GPC6: variants seen among roughly 807,000 people sequenced by gnomAD.
The protein encoded by GPC6 is glypican-6.
Under a neutral mutation model 55.2 loss-of-function variants are expected in GPC6, and 14 were observed. The observed-to-expected ratio is 0.25, with a 90% confidence interval of 0.17 to 0.40. GPC6 has a LOEUF of 0.40. GPC6 is among the 10% of genes least tolerant of loss of function. GPC6 has a pLI of 1.00. For synonymous variants in GPC6, 278 were observed against 259.6 expected (o/e 1.07, Z -0.68); for missense variants, 641 against 708.5 (o/e 0.90, Z 1.08).
chr13:94,191,070 A>G (rs1414127886), intron 4 of GPC6, among the ~76,000 whole-genome samples: 2 of 152,178 alleles, frequency 1.3e-5, no homozygotes, highest in Admixed American at 6.5e-5. Context: ...ATAAATTTCT[A>G]TGAGTTTTGG....
chr13:93,486,461 A>G (rs965639863), intron 1 of GPC6, among the ~76,000 whole-genome samples: 3 of 152,208 alleles, frequency 2.0e-5, no homozygotes, highest in Non-Finnish European at 4.4e-5. Context: ...TTTCTAACCA[A>G]TGAAGTCACA....
intron 2 of GPC6, among the ~76,000 whole-genome samples, chr13:93,711,387 C>G (rs1056430862): frequency 6.6e-6 from 1 of 151,740 alleles, no homozygotes; most frequent in Admixed American, 6.6e-5. Flanking sequence ...AACAGCACAG[C>G]AAGAACCCGC....
chr13:93,922,717 A>C (rs1877638344), intron 3 of GPC6, among the ~76,000 whole-genome samples: 1 of 152,226 alleles, frequency 6.6e-6, no homozygotes, highest in African/African-American at 2.4e-5. Flanking sequence ...AAAGCTGTGA[A>C]TACAGCCATG....
chr13:94,048,999 T>C (rs1004317906), intron 4 of GPC6, among the ~76,000 whole-genome samples: 1 of 152,008 alleles, frequency 6.6e-6, no homozygotes, highest in Non-Finnish European at 1.5e-5. Context: ...TCCCAGCACT[T>C]TGGGAGGCTG....
chr13:93,302,628 A>T (rs1035118489), intron 1 of GPC6, among the ~76,000 whole-genome samples: 1 of 152,204 alleles, frequency 6.6e-6, no homozygotes, highest in African/African-American at 2.4e-5. Flanking sequence ...AACATACATG[A>T]TTGAATGGAA....
At chr13:93,709,526 C>A (rs1882980387) in intron 2 of GPC6, among the ~76,000 whole-genome samples, 1 of 151,816 alleles carries the variant, frequency 6.6e-6, no homozygotes, top group Admixed American at 6.6e-5. Context: ...GGCTATTAGA[C>A]ATTTCTCTCT....
At chr13:94,006,090 G>T (rs1248500294) in intron 3 of GPC6, among the ~76,000 whole-genome samples, 1 of 152,142 alleles carries the variant, frequency 6.6e-6, no homozygotes, top group Non-Finnish European at 1.5e-5. Flanking sequence ...AAATGTCAGT[G>T]TTTTAACATT....
At chr13:94,276,665 C>A (rs1438460292) in intron 4 of GPC6, among the ~76,000 whole-genome samples, 1 of 152,058 alleles carries the variant, frequency 6.6e-6, no homozygotes, top group African/African-American at 2.4e-5. Context: ...GTTCAACTCC[C>A]ACCTATGAGT....
intron 4 of GPC6, among the ~76,000 whole-genome samples, chr13:94,239,787 A>G (rs780892976): frequency 5.9e-5 from 9 of 152,170 alleles, no homozygotes; most frequent in Non-Finnish European, 8.8e-5. Context: ...AGAAACAAAA[A>G]GCTAAACATT....
At chr13:93,511,685 C>A (rs1047479106) in intron 1 of GPC6, among the ~76,000 whole-genome samples, 5 of 151,674 alleles carry the variant, frequency 3.3e-5, no homozygotes, top group East Asian at 1.9e-4. Context: ...ATTTTAGGAT[C>A]GTTTTTTCTA....
chr13:94,270,901 A>G (rs1891974760), intron 4 of GPC6, among the ~76,000 whole-genome samples: 2 of 148,254 alleles, frequency 1.3e-5, no homozygotes, highest in Non-Finnish European at 3.0e-5. Context: ...TGCTGGCTGC[A>G]GTTCCCAGGG....
intron 2 of GPC6, among the ~76,000 whole-genome samples, chr13:93,801,894 A>G (rs962335084): frequency 1.3e-5 from 2 of 152,186 alleles, no homozygotes; most frequent in African/African-American, 4.8e-5. Flanking sequence ...TTGAAATTCC[A>G]TACATTGCTA....
chr13:93,522,508 T>A (rs1449036313), intron 1 of GPC6, among the ~76,000 whole-genome samples: 1 of 151,984 alleles, frequency 6.6e-6, no homozygotes, highest in African/African-American at 2.4e-5. Context: ...TATGATTATA[T>A]CCTCTGTTAA....
In GPC6 at chr13:94,080,538, G is replaced by C. The variant is rs1051274742; in HGVS notation, c.877+52644G>C. ...GGTTAATATTTTTTTTCATTCTAAG[G>C]GTATGTTTAACTACTTGGGCAACTA... is the stretch of plus-strand genomic sequence containing the variant. On this transcript the variant is annotated intron_variant, in intron 4 of 8. Transcript: ENST00000377047. Among the ~76,000 whole-genome samples the C allele has an allele frequency of 4.9e-4, 74 of 151,958 alleles. 4 individuals carry two copies. Among genetic ancestry groups the C allele is most frequent in the Non-Finnish European group, 1.8e-4 (12 of 67,984 alleles).
chr13:93,463,332 C>A (rs114211740), intron 1 of GPC6, among the ~76,000 whole-genome samples: 1 of 152,114 alleles, frequency 6.6e-6, no homozygotes, highest in Non-Finnish European at 1.5e-5. Context: ...TGGACGTTTG[C>A]GAAAATGGCC....
At position 93,847,308 on chromosome 13, in the gene GPC6, G is replaced by A. The variant is rs549853880; in HGVS notation, c.711+16763G>A. ...GTGGATGTTAGTATCAGCAGTAAAC[G>A]AAATAAATAAATGCCCAATTATGAT... On this transcript the variant is annotated intron_variant, in intron 3 of 8. Coordinates refer to ENST00000377047, the MANE Select transcript of GPC6 (RefSeq NM_005708.5). 4.0e-4 allele frequency among the ~76,000 whole-genome samples: 61 copies of A among 152,146 alleles called. 1 individual carries two copies. The highest frequency in any genetic ancestry group is 7.2e-4 in the Non-Finnish European group (49 of 67,992).
chr13:94,022,706 A>G (rs1252466295), intron 3 of GPC6, among the ~76,000 whole-genome samples: 2 of 152,038 alleles, frequency 1.3e-5, no homozygotes, highest in Non-Finnish European at 1.5e-5. Context: ...TTTCTCACCA[A>G]CAATGTACAA....
intron 1 of GPC6, among the ~76,000 whole-genome samples, chr13:93,334,961 C>A (rs1879994472): frequency 6.6e-6 from 1 of 152,122 alleles, no homozygotes; most frequent in South Asian, 2.1e-4. Context: ...ACTTTAATGT[C>A]ATTTGACACC....
chr13:93,706,039 A>G (rs1421695884), intron 2 of GPC6, among the ~76,000 whole-genome samples: 1 of 151,812 alleles, frequency 6.6e-6, no homozygotes, highest in African/African-American at 2.4e-5. Flanking sequence ...AAAATGTAGA[A>G]TCTGGTGCTG....
Sources: gnomAD v4.1 joint callset for allele counts (sites outside exome capture counted in the v4.1 genomes callset) on GRCh38, gnomAD v4.1.1 for gene constraint, MANE v1.5 for transcripts, NCBI Gene and HGNC (gene_info 2026-07-23, HGNC 2026-07-21) for gene names.